Variants in HEPH observed in about 807,000 individuals in gnomAD.
HEPH encodes the protein hephaestin.
Under a neutral mutation model 80.8 loss-of-function variants are expected in HEPH, and 69 were observed. The ratio of observed to expected loss-of-function variants is 0.85; its 90% CI spans 0.70 to 1.04. The LOEUF is 1.04. Ranked by LOEUF, HEPH falls within the 50% of genes least tolerant of loss-of-function variation. The pLI, the probability that HEPH is intolerant of heterozygous loss-of-function variation, is 0.00. For synonymous variants in HEPH, 431 were observed against 322.8 expected (o/e 1.34, Z -3.60); for missense variants, 1,115 against 891.3 (o/e 1.25, Z -3.20).
chrX:66,216,403 T>C (rs1016334014), intron 15 of HEPH, among the ~76,000 whole-genome samples: 5 of 112,193 alleles, frequency 4.5e-5, no homozygotes, highest in African/African-American at 1.3e-4. Flanking sequence ...AGACGGATTA[T>C]ATCTCAAGAT....
intron 15 of HEPH, among the ~76,000 whole-genome samples, chrX:66,221,203 C>T (rs900853144): frequency 1.8e-5 from 2 of 111,584 alleles, no homozygotes; most frequent in Non-Finnish European, 3.8e-5. Flanking sequence ...CTCCTGTCCG[C>T]GTACCACTCA....
chrX:66,190,892 A>G (rs985817872), intron 6 of HEPH, among the ~76,000 whole-genome samples: 4 of 111,679 alleles, frequency 3.6e-5, no homozygotes, highest in Admixed American at 9.5e-5. Context: ...GAGATGCAGC[A>G]TGATAGTGGA....
chrX:66,220,527 C>CT (rs2089599999), intron 15 of HEPH, among the ~76,000 whole-genome samples: 1 of 111,566 alleles, frequency 9.0e-6, no homozygotes, highest in Non-Finnish European at 1.9e-5. Context: ...GGACAGCATC[C>CT]TTTTTATTTT....
At chrX:66,248,012 A>C (rs2090875115) in intron 15 of HEPH, among the ~76,000 whole-genome samples, 1 of 111,482 alleles carries the variant, frequency 9.0e-6, no homozygotes, top group African/African-American at 3.3e-5. Flanking sequence ...ACAAATAATA[A>C]GGCATCTTTT....
At chrX:66,260,376 G>T in intron 19 of HEPH, 114 bp downstream of exon 19, 1 of 567,062 alleles carries the variant, frequency 1.8e-6, no homozygotes, top group Non-Finnish European at 2.8e-6. Flanking sequence ...CAATAAGCAG[G>T]TCTTAAGGCA....
At chrX:66,165,949 G>A (rs1044133046) in intron 1 of HEPH, among the ~76,000 whole-genome samples, 2 of 110,827 alleles carry the variant, frequency 1.8e-5, no homozygotes, top group Non-Finnish European at 3.8e-5. Context: ...CCTTGCCCAA[G>A]TGAAAAGCTT....
chrX:66,203,483 A>G lies in HEPH; in HGVS notation c.2197A>G (p.Arg733Gly). The G allele has an allele frequency of 8.3e-7, 1 of 1,211,794 alleles. No homozygotes were observed. The highest frequency in any genetic ancestry group is 1.8e-5 in the South Asian group (1 of 56,942). ...CCCTCGCCAACGCTACCAAGCTGCA[A>G]GAATCTACTATATCATGGCAGAAGA... ...ATPRQRYQAA[R>G]IYYIMAEEVE... Residue 733 changes from arginine (R) to glycine (G), a missense_variant, in exon 13 of 21, where the codon AGA becomes GGA. Coordinates refer to ENST00000343002, the MANE Select transcript of HEPH (RefSeq NM_001367233.3).
intron 15 of HEPH, among the ~76,000 whole-genome samples, chrX:66,245,470 A>ATCTT (rs1182389211): frequency 1.8e-5 from 2 of 111,691 alleles, no homozygotes; most frequent in Non-Finnish European, 1.9e-5. Flanking sequence ...GAGCACCCAG[A>ATCTT]TTCATAAAGC....
intron 15 of HEPH, among the ~76,000 whole-genome samples, chrX:66,224,079 T>A (rs2089773070): frequency 1.2e-5 from 1 of 85,712 alleles, no homozygotes; most frequent in Admixed American, 1.1e-4. Flanking sequence ...AGCCCCTCTT[T>A]CCCCCGCTTT....
intron 19 of HEPH, among the ~76,000 whole-genome samples, chrX:66,262,866 G>T (rs1202559355): frequency 3.6e-5 from 4 of 111,719 alleles, no homozygotes; most frequent in African/African-American, 1.3e-4. Context: ...ATGGGAGGTT[G>T]TTGTTAGATT....
At chrX:66,226,839 G>A (rs1190109073) in intron 15 of HEPH, among the ~76,000 whole-genome samples, 4 of 111,355 alleles carry the variant, frequency 3.6e-5, no homozygotes, top group Non-Finnish European at 7.5e-5. Flanking sequence ...GTACACAGCT[G>A]AATTCTATCA....
At chrX:66,171,882 G>C (rs1010224994) in intron 2 of HEPH, among the ~76,000 whole-genome samples, 8 of 111,426 alleles carry the variant, frequency 7.2e-5, no homozygotes, top group Non-Finnish European at 1.5e-4. Context: ...TGGGCAAATT[G>C]TGTTCAGAGA....
chrX:66,214,459 CTTTG>C (rs753152849), intron 15 of HEPH, among the ~76,000 whole-genome samples: 33 of 111,403 alleles, frequency 3.0e-4, no homozygotes, highest in Non-Finnish European at 6.2e-4. Context: ...TACTTGTTAA[CTTTG>C]TTTGTGATAT....
chrX:66,176,506 A>G (rs1205683344), intron 4 of HEPH, among the ~76,000 whole-genome samples: 1 of 110,731 alleles, frequency 9.0e-6, no homozygotes, highest in Non-Finnish European at 1.9e-5. Context: ...TTTTCTTTTT[A>G]TTATTATCAT....
intron 20 of HEPH, 85 bp downstream of exon 20, chrX:66,263,773 C>T (rs1310839931): frequency 1.1e-6 from 1 of 881,658 alleles, no homozygotes; most frequent in Admixed American, 2.3e-5. Flanking sequence ...GGGTATGGGA[C>T]TTATGTGACT....
chrX:66,224,113 C>A (rs1434760055), intron 15 of HEPH, among the ~76,000 whole-genome samples: 12 of 108,000 alleles, frequency 1.1e-4, no homozygotes, highest in African/African-American at 4.1e-4. Flanking sequence ...AGATGATAAC[C>A]ATTCTTTTCC....
At chrX:66,177,790 T>C (rs1454532700) in intron 4 of HEPH, among the ~76,000 whole-genome samples, 1 of 111,661 alleles carries the variant, frequency 9.0e-6, no homozygotes, top group East Asian at 2.8e-4. Flanking sequence ...GTTTCTCTAG[T>C]TCCTTGAGGT....
rs188062440 is a variant in HEPH at position 66,204,539 on chromosome X, G to A, written c.2291+962G>A. Among the ~76,000 whole-genome samples the A allele has an allele frequency of 4.6e-4, 52 of 112,354 alleles. No homozygotes were observed. The East Asian group carries it at 0.014, about 29-fold the overall frequency. On this transcript the variant is annotated intron_variant, in intron 13 of 20. Transcript: ENST00000343002. Reference sequence around the variant, plus strand: ...TACAATTATGAAAACAAAAATCCATGGAATGTATGCTAAGTTTTCTGTAAA... The same window carrying A: ...TACAATTATGAAAACAAAAATCCATAGAATGTATGCTAAGTTTTCTGTAAA...
chrX:66,171,748 T>C (rs1200883598), intron 2 of HEPH, among the ~76,000 whole-genome samples: 1 of 112,243 alleles, frequency 8.9e-6, no homozygotes, highest in Non-Finnish European at 1.9e-5. Flanking sequence ...ATATTCCACA[T>C]TTATTGAACT....
Sources: gnomAD v4.1 joint callset for allele counts (sites outside exome capture counted in the v4.1 genomes callset) on GRCh38, gnomAD v4.1.1 for gene constraint, MANE v1.5 for transcripts, NCBI Gene and HGNC (gene_info 2026-07-23, HGNC 2026-07-21) for gene names.